PCDHGB4: variants seen among roughly 807,000 people sequenced by gnomAD.
PCDHGB4 encodes the protein protocadherin gamma subfamily B, 4, also known as protocadherin gamma-B4.
PCDHGB4 carries 38 observed loss-of-function variants against 60.5 expected under a neutral mutation model. The observed-to-expected ratio is 0.63, with a 90% CI of 0.48 to 0.82. PCDHGB4 has a LOEUF of 0.82. PCDHGB4 is among the 40% of genes least tolerant of loss of function. The pLI, the probability that PCDHGB4 is intolerant of heterozygous loss-of-function variation, is 0.00. For synonymous variants in PCDHGB4, 456 were observed against 509.7 expected (o/e 0.89, Z 1.42); for missense variants, 1,109 against 1,209.6 (o/e 0.92, Z 1.23).
intron 3 of PCDHGB4, among the ~76,000 whole-genome samples, chr5:141,509,791 C>T (rs2099878284): frequency 6.6e-6 from 1 of 152,164 alleles, no homozygotes; most frequent in Non-Finnish European, 1.5e-5. Flanking sequence ...TCATCATCTC[C>T]TCAGCTTCAT....
At chr5:141,484,931 A>ACGTT (rs1464416110) in intron 1 of PCDHGB4, 2 of 498,000 alleles carry the variant, frequency 4.0e-6, no homozygotes, top group Non-Finnish European at 7.2e-6. Flanking sequence ...TGCTGTTGGG[A>ACGTT]CGTTCTCTGC....
Position 141,490,972 on chromosome 5 carries a change from C to G in PCDHGB4, c.2398-3835C>G. 6.2e-7 allele frequency: 1 copy of G among 1,613,912 alleles called. No homozygotes were observed. Among genetic ancestry groups the G allele is most frequent in the Non-Finnish European group, 8.5e-7 (1 of 1,179,922 alleles). Reference sequence around the variant, plus strand: ...AGACTGGGAACACTCAGCCCCCCAGCGTCTCCCTCGCTCTGCTCCTCCTGG... The same window carrying G: ...AGACTGGGAACACTCAGCCCCCCAGGGTCTCCCTCGCTCTGCTCCTCCTGG... On this transcript the variant is annotated intron_variant, in intron 1 of 3. Coordinates refer to ENST00000519479, the MANE Select transcript of PCDHGB4 (RefSeq NM_003736.4). The surrounding 1 kb of genome is among the most constrained non-coding windows in gnomAD (Gnocchi z 5.4).
In PCDHGB4 at chr5:141,491,679, T is replaced by G. The variant is rs111288145; in HGVS notation, c.2398-3128T>G. 1 of 1,613,496 alleles carries G rather than the reference T, an allele frequency of 6.2e-7. No individual in the cohort carries two copies. Among genetic ancestry groups the G allele is most frequent in the Non-Finnish European group, 8.5e-7 (1 of 1,179,828 alleles). On this transcript the variant is annotated intron_variant, in intron 1 of 3. Coordinates refer to ENST00000519479, the MANE Select transcript of PCDHGB4 (RefSeq NM_003736.4). The surrounding 1 kb of genome is among the most constrained non-coding windows in gnomAD (Gnocchi z 6.9). ...CTGACGCCATCCGGTCCCGCTCTAA[T>G]ACGCTGCGGGAGCGGAGCCAGGTGA...
At chr5:141,421,088 C>A in intron 1 of PCDHGB4, 2 of 659,434 alleles carry the variant, frequency 3.0e-6, no homozygotes, top group South Asian at 4.0e-5. Flanking sequence ...CTCACAGATC[C>A]TGACACTGGA....
intron 1 of PCDHGB4, among the ~76,000 whole-genome samples, chr5:141,437,771 A>G (rs971065583): frequency 7.9e-5 from 12 of 151,238 alleles, no homozygotes; most frequent in Admixed American, 6.6e-5. Context: ...CAGAGTCTCA[A>G]TCTGTCGCCA....
At chr5:141,401,059 G>T (rs1418485253) in intron 1 of PCDHGB4, among the ~76,000 whole-genome samples, 2 of 152,082 alleles carry the variant, frequency 1.3e-5, no homozygotes, top group Non-Finnish European at 2.9e-5. Flanking sequence ...AATACTATAT[G>T]TTGGCTGGGT....
At chr5:141,423,303 G>C (rs779246046) in intron 1 of PCDHGB4, 2 of 1,614,172 alleles carry the variant, frequency 1.2e-6, no homozygotes, top group Non-Finnish European at 1.7e-6. Flanking sequence ...ACCTCTCGCT[G>C]TACTTGGTGG....
Position 141,389,969 on chromosome 5 carries a change from C to G in PCDHGB4, c.2085C>G (p.Ala695=). ...AGTTTTACCTAGTGGTGGCCTTGGC[C>G]TTGATCTCAGTGCTCTTCCTCGTGG... ...ELQFYLVVAL[A]LISVLFLVAM... is the part of the protein sequence containing the mutation. Residue 695 remains alanine, a synonymous_variant, in exon 1 of 4, where the codon GCC becomes GCG. Coordinates refer to ENST00000519479, the MANE Select transcript of PCDHGB4 (RefSeq NM_003736.4). 1 of 1,614,042 alleles carries G rather than the reference C, an allele frequency of 6.2e-7. No homozygotes were observed. Among genetic ancestry groups the G allele is most frequent in the Non-Finnish European group, 8.5e-7 (1 of 1,179,902 alleles).
At position 141,432,432 on chromosome 5, in the gene PCDHGB4, A is replaced by G. The variant is rs1431760497; in HGVS notation, c.2397+42151A>G. On this transcript the variant is annotated intron_variant, in intron 1 of 3. Transcript: ENST00000519479. This position sits in a 1 kb window ranked among gnomAD's most constrained non-coding sequence, Gnocchi z 6.0. ...CTGTTCGTGCTGGACCAGAACGACA[A>G]TGCGCCCGAGATCCTGTACCCCGCC... The G allele has an allele frequency of 2.5e-6, 4 of 1,614,156 alleles. No homozygotes were observed. Among genetic ancestry groups the G allele is most frequent in the Non-Finnish European group, 3.4e-6 (4 of 1,180,028 alleles).
rs553104661 is a variant in PCDHGB4 at position 141,460,009 on chromosome 5, C to T, written c.2398-34798C>T. ...AGGAGAATCGCTTGAACCCAGGAGG[C>T]GGAGGTTGCAGTGAGCCGAGACTGC... On this transcript the variant is annotated intron_variant, in intron 1 of 3. Coordinates refer to ENST00000519479, the MANE Select transcript of PCDHGB4 (RefSeq NM_003736.4). 9.9e-4 allele frequency among the ~76,000 whole-genome samples: 150 copies of T among 152,212 alleles called. 1 individual carries two copies. The highest frequency in any genetic ancestry group is 3.4e-3 in the Middle Eastern group (1 of 294).
At chr5:141,414,899 G>T (rs756810046) in intron 1 of PCDHGB4, 1 of 1,614,182 alleles carries the variant, frequency 6.2e-7, no homozygotes, top group Non-Finnish European at 8.5e-7. Context: ...CCCACAGACG[G>T]TTCCACAGGC....
At chr5:141,502,056 C>A (rs1163976282) in intron 2 of PCDHGB4, among the ~76,000 whole-genome samples, 1 of 152,116 alleles carries the variant, frequency 6.6e-6, no homozygotes, top group Non-Finnish European at 1.5e-5. Context: ...CTACTTTATT[C>A]CCATTAGCCC....
chr5:141,490,288 G>A lies in PCDHGB4; in HGVS notation c.2398-4519G>A. On this transcript the variant is annotated intron_variant, in intron 1 of 3. Coordinates refer to ENST00000519479, the MANE Select transcript of PCDHGB4 (RefSeq NM_003736.4). The surrounding 1 kb of genome is among the most constrained non-coding windows in gnomAD (Gnocchi z 5.4). ...GGATGTCAATGACAATGCCCCAGAG[G>A]TGCTATTGGCCTCTTTGGCCAACCC... The A allele has an allele frequency of 3.7e-6, 6 of 1,614,198 alleles. No individual in the cohort carries two copies. The highest frequency in any genetic ancestry group is 5.1e-6 in the Non-Finnish European group (6 of 1,180,042).
At position 141,477,177 on chromosome 5, in the gene PCDHGB4, T is replaced by C; in HGVS notation, c.2398-17630T>C. The C allele has an allele frequency of 6.2e-7, 1 of 1,614,160 alleles. No individual in the cohort carries two copies. On this transcript the variant is annotated intron_variant, in intron 1 of 3. Coordinates refer to ENST00000519479, the MANE Select transcript of PCDHGB4 (RefSeq NM_003736.4). This position sits in a 1 kb window ranked among gnomAD's most constrained non-coding sequence, Gnocchi z 4.9. Reference sequence around the variant, plus strand: ...AATGACAACGCCCCGGAGATCACAGTCACCTCCGTGTACAGCCCAGTACCC... The same window carrying C: ...AATGACAACGCCCCGGAGATCACAGCCACCTCCGTGTACAGCCCAGTACCC...
chr5:141,438,627 T>C (rs55817844), intron 1 of PCDHGB4, among the ~76,000 whole-genome samples: 510 of 47,978 alleles, frequency 0.011, 3 homozygotes, highest in Admixed American at 0.017. Context: ...TATATATATA[T>C]ATATATATAC....
At position 141,431,245 on chromosome 5, in the gene PCDHGB4, C is replaced by T; in HGVS notation, c.2397+40964C>T. The T allele has an allele frequency of 1.2e-6, 2 of 1,614,134 alleles. No individual in the cohort carries two copies. The highest frequency in any genetic ancestry group is 1.7e-6 in the Non-Finnish European group (2 of 1,180,038). ...TACCCCACGCCTGGGATCCGGATATCGGGAAGAACTCTCTGCAGAGCTACG... is the reference window on the plus strand; with the variant it reads ...TACCCCACGCCTGGGATCCGGATATTGGGAAGAACTCTCTGCAGAGCTACG... On this transcript the variant is annotated intron_variant, in intron 1 of 3. Transcript: ENST00000519479. This position sits in a 1 kb window ranked among gnomAD's most constrained non-coding sequence, Gnocchi z 4.8.
At position 141,487,270 on chromosome 5, in the gene PCDHGB4, A is replaced by T. The variant is rs777469322; in HGVS notation, c.2398-7537A>T. 6.2e-7 allele frequency: 1 copy of T among 1,614,046 alleles called. No homozygotes were observed. Among genetic ancestry groups the T allele is most frequent in the South Asian group, 1.1e-5 (1 of 91,076 alleles). On this transcript the variant is annotated intron_variant, in intron 1 of 3. Transcript: ENST00000519479. The surrounding 1 kb of genome is among the most constrained non-coding windows in gnomAD (Gnocchi z 5.0). ...TCTACTTGGCTGTGTCCCTAGTGGC[A>T]ATTTGCTTTGTCTCCTTTGGCTCAT... is the stretch of plus-strand genomic sequence containing the variant.
intron 1 of PCDHGB4, among the ~76,000 whole-genome samples, chr5:141,474,010 C>G (rs989832548): frequency 1.3e-5 from 2 of 152,092 alleles, no homozygotes; most frequent in Admixed American, 1.3e-4. Flanking sequence ...CTGGAAGTTA[C>G]AGTGAGCTAT....
At chr5:141,404,231 A>G (rs1403622769) in intron 1 of PCDHGB4, 1 of 1,613,928 alleles carries the variant, frequency 6.2e-7, no homozygotes, top group Non-Finnish European at 8.5e-7. Context: ...TGCAACAGAC[A>G]GAGGAACTCC....
Sources: gnomAD v4.1 joint callset for allele counts (sites outside exome capture counted in the v4.1 genomes callset) on GRCh38, gnomAD v4.1.1 for gene constraint, Gnocchi (gnomAD v3.1) non-coding constraint, MANE v1.5 for transcripts, NCBI Gene and HGNC (gene_info 2026-07-23, HGNC 2026-07-21) for gene names.